The following CACNA2D3 variants were observed in gnomAD, a reference collection of about 807,000 sequenced individuals.
CACNA2D3 encodes voltage-dependent calcium channel subunit alpha-2/delta-3.
CACNA2D3 carries 60 observed loss-of-function variants against 160.6 expected under a neutral mutation model. That is an observed-to-expected ratio of 0.37 (90% CI 0.30 to 0.46). The LOEUF is 0.46. Among genes scored for constraint, CACNA2D3 ranks in the 20% least tolerant of loss-of-function variants. The pLI is 1.00. For missense variants in CACNA2D3, 1,205 were observed against 1,365.0 expected, an observed-to-expected ratio of 0.88 and a Z score of 1.85; for synonymous variants, 558 against 492.9, an observed-to-expected ratio of 1.13 and a Z score of -1.75.
intron 3 of CACNA2D3, among the ~76,000 whole-genome samples, chr3:54,383,144 G>T (rs1240220603): frequency 6.6e-6 from 1 of 152,112 alleles, no homozygotes; most frequent in Non-Finnish European, 1.5e-5. Context: ...GCCTGTTTTA[G>T]GTAAATCTAT....
chr3:54,211,934 A>G (rs1701380229), intron 2 of CACNA2D3, among the ~76,000 whole-genome samples: 1 of 152,164 alleles, frequency 6.6e-6, no homozygotes, highest in Non-Finnish European at 1.5e-5. Context: ...AGCAAAGGCA[A>G]AATTGAAATA....
intron 5 of CACNA2D3, among the ~76,000 whole-genome samples, chr3:54,544,842 T>C (rs1702035859): frequency 6.6e-6 from 1 of 152,226 alleles, no homozygotes; most frequent in Non-Finnish European, 1.5e-5. Context: ...GCTATTGAAA[T>C]AGCAACTTTA....
At chr3:54,764,462 C>T (rs774157766) in intron 13 of CACNA2D3, 111 bp downstream of exon 13, 22 of 1,332,548 alleles carry the variant, frequency 1.7e-5, no homozygotes, top group Non-Finnish European at 2.2e-5. Flanking sequence ...TTCAGTGACA[C>T]TTTTCTTGAT....
intron 6 of CACNA2D3, among the ~76,000 whole-genome samples, chr3:54,565,689 A>T (rs1702398975): frequency 1.3e-5 from 2 of 152,206 alleles, no homozygotes; most frequent in Non-Finnish European, 2.9e-5. Flanking sequence ...ACACGTGGTT[A>T]GTAGTCACCA....
chr3:54,371,232 A>G (rs1559463285), intron 3 of CACNA2D3, among the ~76,000 whole-genome samples: 1 of 152,148 alleles, frequency 6.6e-6, no homozygotes, highest in Admixed American at 6.5e-5. Flanking sequence ...GTGTGTATCT[A>G]GGAGTCGAAT....
chr3:55,043,196 A>G (rs955546059), intron 35 of CACNA2D3, among the ~76,000 whole-genome samples: 2 of 152,144 alleles, frequency 1.3e-5, no homozygotes, highest in East Asian at 3.9e-4. Flanking sequence ...ACTGTTTTAC[A>G]TAGTATCTGT....
At chr3:54,233,122 G>A (rs1329275966) in intron 2 of CACNA2D3, among the ~76,000 whole-genome samples, 1 of 152,090 alleles carries the variant, frequency 6.6e-6, no homozygotes, top group Admixed American at 6.5e-5. Context: ...GTAGAGACTG[G>A]GTGTCCTTTT....
At chr3:54,995,211 T>G (rs1702829600) in intron 31 of CACNA2D3, among the ~76,000 whole-genome samples, 1 of 152,102 alleles carries the variant, frequency 6.6e-6, no homozygotes, top group African/African-American at 2.4e-5. Flanking sequence ...TGACCTCAGG[T>G]GATCCAACTG....
At chr3:54,295,004 C>G (rs1171317440) in intron 2 of CACNA2D3, among the ~76,000 whole-genome samples, 1 of 152,062 alleles carries the variant, frequency 6.6e-6, no homozygotes. Context: ...TCTCATCCAC[C>G]TATTCACTCA....
At chr3:54,575,860 G>A (rs1392297955) in intron 8 of CACNA2D3, among the ~76,000 whole-genome samples, 1 of 152,206 alleles carries the variant, frequency 6.6e-6, no homozygotes, top group Non-Finnish European at 1.5e-5. Context: ...GCCATTTGCA[G>A]GTGTAAGATC....
At chr3:54,664,395 C>G (rs1700027496) in intron 11 of CACNA2D3, among the ~76,000 whole-genome samples, 1 of 152,190 alleles carries the variant, frequency 6.6e-6, no homozygotes, top group Admixed American at 6.5e-5. Context: ...AATACTCTGT[C>G]ATTTGAAATT....
chr3:55,000,842 C>G (rs188550048), intron 31 of CACNA2D3, among the ~76,000 whole-genome samples: 1 of 152,200 alleles, frequency 6.6e-6, no homozygotes, highest in East Asian at 1.9e-4. Context: ...TTGTGACATT[C>G]CAATAAGACC....
At chr3:54,789,812 T>C (rs1341286649) in intron 13 of CACNA2D3, 9 of 510,894 alleles carry the variant, frequency 1.8e-5, no homozygotes, top group African/African-American at 9.6e-5. Context: ...GGCTCACATC[T>C]AAAGTGAGCC....
chr3:54,235,674 G>A (rs564399458), intron 2 of CACNA2D3, among the ~76,000 whole-genome samples: 4 of 152,302 alleles, frequency 2.6e-5, no homozygotes, highest in Admixed American at 2.6e-4. Flanking sequence ...GCTCCCAGTG[G>A]CCAAAGCTGG....
intron 9 of CACNA2D3, among the ~76,000 whole-genome samples, chr3:54,615,961 T>G (rs934590923): frequency 2.6e-5 from 4 of 152,148 alleles, no homozygotes; most frequent in African/African-American, 9.6e-5. Flanking sequence ...GTGCCCCTTA[T>G]GAGAATCTAA....
intron 16 of CACNA2D3, among the ~76,000 whole-genome samples, chr3:54,843,086 C>T (rs1023080557): frequency 1.4e-4 from 21 of 150,900 alleles, no homozygotes; most frequent in African/African-American, 3.2e-4. Context: ...CTCAGCCTCC[C>T]GAGTAGCTGG....
chr3:54,277,932 G>A (rs897444539), intron 2 of CACNA2D3, among the ~76,000 whole-genome samples: 1 of 151,974 alleles, frequency 6.6e-6, no homozygotes, highest in Non-Finnish European at 1.5e-5. Flanking sequence ...CTCTATTATT[G>A]GTGTATAGGA....
intron 2 of CACNA2D3, among the ~76,000 whole-genome samples, chr3:54,169,537 A>G (rs576768274): frequency 2.0e-5 from 3 of 152,328 alleles, no homozygotes; most frequent in Non-Finnish European, 4.4e-5. Flanking sequence ...CATGAAGCTC[A>G]TGGTTTAGTA....
intron 4 of CACNA2D3, among the ~76,000 whole-genome samples, chr3:54,400,502 C>T (rs1000146904): frequency 4.6e-5 from 7 of 152,086 alleles, no homozygotes; most frequent in Non-Finnish European, 4.4e-5. Context: ...TAAGACTCAC[C>T]ATTGTGTGGA....
Sources: allele counts gnomAD v4.1 joint callset (sites outside exome capture counted in the v4.1 genomes callset), GRCh38; gene constraint gnomAD v4.1.1; transcripts MANE v1.5; gene names NCBI Gene and HGNC (gene_info 2026-07-23, HGNC 2026-07-21).